The following TENM3 variants were observed in gnomAD, a reference collection of about 807,000 sequenced individuals.
The protein encoded by TENM3 is teneurin-3.
Under a neutral mutation model 255.1 loss-of-function variants are expected in TENM3, and 63 were observed. The observed-to-expected ratio is 0.25, with a 90% CI of 0.20 to 0.30. The LOEUF (loss-of-function observed/expected upper bound fraction) is 0.30, where lower values mean the gene tolerates loss of function less well. TENM3 is among the 10% of genes least tolerant of loss of function. TENM3 has a pLI of 1.00. For synonymous variants in TENM3, 1,306 were observed against 1,322.3 expected, an observed-to-expected ratio of 0.99 and a Z score of 0.27; for missense variants, 2,929 against 3,461.1, an observed-to-expected ratio of 0.85 and a Z score of 3.86.
At chr4:182,668,718 C>T (rs1359124844) in intron 6 of TENM3, among the ~76,000 whole-genome samples, 1 of 152,074 alleles carries the variant, frequency 6.6e-6, no homozygotes. Context: ...AGATTTTAAC[C>T]CCTCAAAATT....
chr4:182,614,497 T>G (rs976147254), intron 4 of TENM3, among the ~76,000 whole-genome samples: 6 of 152,182 alleles, frequency 3.9e-5, no homozygotes, highest in Non-Finnish European at 8.8e-5. Context: ...TATGAGTATG[T>G]TTTATTACTT....
intron 12 of TENM3, among the ~76,000 whole-genome samples, chr4:182,695,042 A>G (rs1308491914): frequency 1.3e-5 from 2 of 152,372 alleles, no homozygotes; most frequent in East Asian, 3.9e-4. Context: ...CATCATATCC[A>G]AAATAAAACA....
intron 3 of TENM3, among the ~76,000 whole-genome samples, chr4:182,419,789 A>G (rs1435230562): frequency 3.4e-5 from 5 of 146,848 alleles, no homozygotes; most frequent in Admixed American, 2.8e-4. Context: ...CAAACACCGC[A>G]TGTTCTCACT....
the TENM3 span, among the ~76,000 whole-genome samples, chr4:181,798,533 A>C: frequency 6.6e-6 from 1 of 152,162 alleles, no homozygotes; most frequent in Non-Finnish European, 1.5e-5. Context: ...TGTGAGTTCC[A>C]CAGGAAAAGA....
the TENM3 span, among the ~76,000 whole-genome samples, chr4:181,815,219 A>AG: frequency 4.5e-4 from 68 of 151,902 alleles, no homozygotes; most frequent in Non-Finnish European, 6.8e-4. Flanking sequence ...TGGGAGGCCA[A>AG]GGGGGGCGGA....
chr4:182,202,175 G>A (rs1754222241), intron 1 of TENM3, among the ~76,000 whole-genome samples: 1 of 152,190 alleles, frequency 6.6e-6, no homozygotes. Context: ...GAGTTTTATA[G>A]CTCTGTTTAA....
chr4:182,200,126 G>C (rs969460657), intron 1 of TENM3, among the ~76,000 whole-genome samples: 1 of 152,074 alleles, frequency 6.6e-6, no homozygotes, highest in Admixed American at 6.6e-5. Flanking sequence ...TCAAAGGAAG[G>C]CTCTAAAAGG....
At chr4:182,624,966 G>A (rs1750681512) in intron 4 of TENM3, among the ~76,000 whole-genome samples, 1 of 152,148 alleles carries the variant, frequency 6.6e-6, no homozygotes, top group Non-Finnish European at 1.5e-5. Flanking sequence ...CTTTGGATTG[G>A]GTGGTCAAGT....
At chr4:182,278,064 G>T (rs1032529711) in intron 1 of TENM3, among the ~76,000 whole-genome samples, 5 of 152,096 alleles carry the variant, frequency 3.3e-5, no homozygotes, top group African/African-American at 7.2e-5. Flanking sequence ...GTAATTAACT[G>T]CCAATAACAA....
the TENM3 span, among the ~76,000 whole-genome samples, chr4:182,034,317 A>G: frequency 1.3e-5 from 2 of 152,228 alleles, no homozygotes; most frequent in East Asian, 1.9e-4. Context: ...ACAGCACACT[A>G]ATGGGTCTTG....
intron 3 of TENM3, among the ~76,000 whole-genome samples, chr4:182,451,229 C>T (rs1773432386): frequency 6.6e-6 from 1 of 152,112 alleles, no homozygotes; most frequent in Admixed American, 6.5e-5. Flanking sequence ...TAAATTTTGG[C>T]TGTTGCGTCA....
chr4:181,657,880 A>G, the TENM3 span, among the ~76,000 whole-genome samples: 1 of 152,206 alleles, frequency 6.6e-6, no homozygotes, highest in Non-Finnish European at 1.5e-5. Context: ...GAATTAATGC[A>G]GAAACAGGAA....
intron 3 of TENM3, among the ~76,000 whole-genome samples, chr4:182,458,821 C>T (rs1380442872): frequency 6.6e-6 from 1 of 152,058 alleles, no homozygotes; most frequent in African/African-American, 2.4e-5. Flanking sequence ...GCAGAGAAAT[C>T]CTAGGAAAAA....
At chr4:182,469,105 T>G (rs979424889) in intron 3 of TENM3, among the ~76,000 whole-genome samples, 1 of 152,312 alleles carries the variant, frequency 6.6e-6, no homozygotes, top group African/African-American at 2.4e-5. Flanking sequence ...TGTTTGTTTG[T>G]GCATCTCCAA....
intron 3 of TENM3, among the ~76,000 whole-genome samples, chr4:182,562,994 T>G (rs7670152): frequency 0.43 from 65,293 of 152,066 alleles, 16,716 homozygotes; most frequent in East Asian, 0.62. Context: ...ACAACTTTTT[T>G]TTTCCTAAGG....
At chr4:182,066,728 A>G in the TENM3 span, among the ~76,000 whole-genome samples, 383 of 151,690 alleles carry the variant, frequency 2.5e-3, 1 homozygote, top group South Asian at 0.011. Context: ...GGCTAACACC[A>G]TGAAACCCCG....
chr4:182,469,243 T>A (rs1320223737), intron 3 of TENM3, among the ~76,000 whole-genome samples: 1 of 152,202 alleles, frequency 6.6e-6, no homozygotes, highest in Non-Finnish European at 1.5e-5. Context: ...TTAGTGTTAG[T>A]CTCTGCTATC....
the TENM3 span, among the ~76,000 whole-genome samples, chr4:181,864,236 C>G: frequency 6.6e-6 from 1 of 152,166 alleles, no homozygotes; most frequent in African/African-American, 2.4e-5. Flanking sequence ...AAAGAACTAT[C>G]AGTTCTGTCC....
intron 4 of TENM3, among the ~76,000 whole-genome samples, chr4:182,617,964 C>G (rs528493897): frequency 6.6e-6 from 1 of 152,172 alleles, no homozygotes; most frequent in South Asian, 2.1e-4. Context: ...ATAAAAGTTT[C>G]AACAGTGCCT....
Sources: allele counts gnomAD v4.1 joint callset (sites outside exome capture counted in the v4.1 genomes callset), GRCh38; gene constraint gnomAD v4.1.1; transcripts MANE v1.5; gene names NCBI Gene and HGNC (gene_info 2026-07-23, HGNC 2026-07-21).